Variants in FAT3 observed in about 807,000 individuals in gnomAD.
The protein encoded by FAT3 is FAT atypical cadherin 3, also known as protocadherin Fat 3.
A neutral mutation model predicts 310.2 loss-of-function variants in FAT3; 95 were observed. The observed-to-expected ratio is 0.31, with a 90% CI of 0.26 to 0.36. The LOEUF is 0.36. Among genes scored for constraint, FAT3 ranks in the 10% least tolerant of loss-of-function variants. FAT3 has a pLI of 1.00. For synonymous variants in FAT3, 2,314 were observed against 2,192.9 expected (o/e 1.06, Z -1.54); for missense variants, 5,408 against 5,715.6 (o/e 0.95, Z 1.74).
At chr11:92,878,956 T>C (rs1949606002) in intron 22 of FAT3, among the ~76,000 whole-genome samples, 1 of 152,102 alleles carries the variant, frequency 6.6e-6, no homozygotes, top group African/African-American at 2.4e-5. Context: ...GCCCACTGAG[T>C]ATCCAGTATT....
Position 92,352,493 on chromosome 11 carries a change from G to C in FAT3, c.381G>C (p.Leu127Phe). 6.2e-7 allele frequency: 1 copy of C among 1,612,876 alleles called. No individual in the cohort carries two copies. The highest frequency in any genetic ancestry group is 8.5e-7 in the Non-Finnish European group (1 of 1,179,688). The change falls in exon 2 of 28, where the codon TTG becomes TTC. Residue 127 changes from leucine to phenylalanine, a missense_variant. Leu to Phe is a conservative substitution (Grantham distance 22). Transcript: ENST00000525166. ...GGGAAATCCAGGATAATTATTTATT[G>C]ATAGTAAAAGGTTCTGTCAGAGGAG... ...LNREIQDNYL[L>F]IVKGSVRGED...
intron 3 of FAT3, among the ~76,000 whole-genome samples, chr11:92,612,388 G>T (rs754301081): frequency 6.6e-6 from 1 of 152,202 alleles, no homozygotes; most frequent in African/African-American, 2.4e-5. Context: ...AGAAGAATAA[G>T]AGAATGTTGG....
chr11:92,529,691 T>C (rs1008009899), intron 3 of FAT3, among the ~76,000 whole-genome samples: 1 of 152,212 alleles, frequency 6.6e-6, no homozygotes, highest in Non-Finnish European at 1.5e-5. Flanking sequence ...GATTAGCATA[T>C]GCTGCATTGA....
chr11:92,414,861 T>C (rs1950372033), intron 2 of FAT3, among the ~76,000 whole-genome samples: 1 of 152,010 alleles, frequency 6.6e-6, no homozygotes, highest in South Asian at 2.1e-4. Context: ...ATACGAAAAG[T>C]TAGCCGGGCT....
intron 13 of FAT3, among the ~76,000 whole-genome samples, chr11:92,817,127 G>A (rs1947844717): frequency 6.6e-6 from 1 of 152,136 alleles, no homozygotes; most frequent in African/African-American, 2.4e-5. Flanking sequence ...TACAGGAAGG[G>A]ACTGCCATCT....
chr11:92,511,649 T>C (rs768086002), intron 2 of FAT3, among the ~76,000 whole-genome samples: 8 of 152,176 alleles, frequency 5.3e-5, no homozygotes, highest in Non-Finnish European at 1.2e-4. Context: ...GCCCCCACCC[T>C]GGATGGCTGG....
At chr11:92,760,384 A>G (rs1394709929) in intron 4 of FAT3, among the ~76,000 whole-genome samples, 2 of 152,174 alleles carry the variant, frequency 1.3e-5, no homozygotes, top group Non-Finnish European at 2.9e-5. Flanking sequence ...TTGTTTTATT[A>G]GGTGAAAAAA....
chr11:92,240,552 A>C (rs2134250721), intron 1 of FAT3, among the ~76,000 whole-genome samples: 1 of 148,224 alleles, frequency 6.7e-6, no homozygotes, highest in African/African-American at 2.5e-5. Context: ...AAGCACAATT[A>C]CTTGAAACAA....
At chr11:92,315,224 G>A (rs998976981) in intron 1 of FAT3, among the ~76,000 whole-genome samples, 4 of 149,702 alleles carry the variant, frequency 2.7e-5, no homozygotes, top group African/African-American at 9.9e-5. Context: ...GTAAAAAACA[G>A]TGCCTACTAG....
At chr11:92,321,590 AG>A (rs1044962616) in intron 1 of FAT3, among the ~76,000 whole-genome samples, 6 of 152,170 alleles carry the variant, frequency 3.9e-5, no homozygotes, top group African/African-American at 1.4e-4. Context: ...TGAGAAAAAA[AG>A]AAAAAAAAAT....
chr11:92,483,334 T>C (rs1419789575), intron 2 of FAT3, among the ~76,000 whole-genome samples: 3 of 152,124 alleles, frequency 2.0e-5, no homozygotes, highest in African/African-American at 4.8e-5. Context: ...TTTTTTTCTT[T>C]TCTTTTTCTT....
At chr11:92,502,497 A>G (rs1228203188) in intron 2 of FAT3, among the ~76,000 whole-genome samples, 1 of 152,108 alleles carries the variant, frequency 6.6e-6, no homozygotes, top group Non-Finnish European at 1.5e-5. Flanking sequence ...TATAAGAGTG[A>G]TGTCCAAAGA....
chr11:92,407,266 T>TA (rs1262498371), intron 2 of FAT3, among the ~76,000 whole-genome samples: 5 of 152,136 alleles, frequency 3.3e-5, no homozygotes, highest in Admixed American at 3.3e-4. Context: ...GAGTTTTTTT[T>TA]ATTCCCCATT....
intron 1 of FAT3, among the ~76,000 whole-genome samples, chr11:92,333,570 G>T (rs1039109046): frequency 3.3e-5 from 5 of 152,082 alleles, no homozygotes; most frequent in African/African-American, 1.2e-4. Flanking sequence ...TTATTTGGTG[G>T]AGAATTTGAA....
rs200300330 is a variant in FAT3, at chr11:92,560,022, G to A, written c.3607+35074G>A. On this transcript the variant is annotated intron_variant, in intron 3 of 27. Coordinates refer to ENST00000525166, the MANE Select transcript of FAT3 (RefSeq NM_001367949.2). ...GTTACTACTCCGTGTTTAATTTTTT[G>A]AGGAACCTCCCTACTGGTTTCCAAA... Among the ~76,000 whole-genome samples, 12 of 152,110 alleles carry A rather than the reference G, an allele frequency of 7.9e-5. No individual in the cohort carries two copies. The East Asian group carries it at 2.1e-3, about 27-fold the overall frequency.
At chr11:92,252,078 C>T (rs937601876) in intron 1 of FAT3, among the ~76,000 whole-genome samples, 3 of 152,046 alleles carry the variant, frequency 2.0e-5, no homozygotes, top group Non-Finnish European at 4.4e-5. Flanking sequence ...ACAGTTACCA[C>T]GTCATGACTT....
intron 2 of FAT3, chr11:92,400,337 C>G (rs534328202): frequency 6.6e-6 from 1 of 152,276 alleles, no homozygotes; most frequent in East Asian, 1.9e-4. Context: ...GTTTGGATCA[C>G]TTATCCACAA....
At chr11:92,348,973 T>A (rs1410016945) in intron 1 of FAT3, among the ~76,000 whole-genome samples, 1 of 152,126 alleles carries the variant, frequency 6.6e-6, no homozygotes, top group Non-Finnish European at 1.5e-5. Flanking sequence ...ATGCTGGGAA[T>A]AGAGTGATGT....
chr11:92,847,093 C>T (rs538412679), intron 19 of FAT3, among the ~76,000 whole-genome samples: 5 of 152,298 alleles, frequency 3.3e-5, no homozygotes, highest in African/African-American at 1.2e-4. Context: ...GGGACTCTTC[C>T]TTTTTAAATG....
Sources: allele counts gnomAD v4.1 joint callset (sites outside exome capture counted in the v4.1 genomes callset), GRCh38; gene constraint gnomAD v4.1.1; transcripts MANE v1.5; gene names NCBI Gene and HGNC (gene_info 2026-07-23, HGNC 2026-07-21).